Variants in PARD3B observed in about 807,000 individuals in gnomAD.
PARD3B encodes the protein partitioning defective 3 homolog B.
A neutral mutation model predicts 130.2 loss-of-function variants in PARD3B; 103 were observed. The observed-to-expected ratio is 0.79, with a 90% CI of 0.67 to 0.93. The LOEUF (loss-of-function observed/expected upper bound fraction) is 0.93. PARD3B is among the 40% of genes least tolerant of loss of function. The probability of loss-of-function intolerance (pLI) is 0.00; values close to 1 mark genes in which losing one functional copy is unlikely to be tolerated. For missense variants in PARD3B, 1,609 were observed against 1,499.2 expected (o/e 1.07, Z -1.21); for synonymous variants, 583 against 553.2 (o/e 1.05, Z -0.76).
chr2:204,888,034 G>A (rs1310438906), intron 2 of PARD3B, among the ~76,000 whole-genome samples: 1 of 152,132 alleles, frequency 6.6e-6, no homozygotes, highest in Non-Finnish European at 1.5e-5. Context: ...CAGGGGTGCA[G>A]GAGAGAGGTG....
intron 21 of PARD3B, among the ~76,000 whole-genome samples, chr2:205,528,287 G>A (rs1408730641): frequency 1.3e-5 from 2 of 152,128 alleles, no homozygotes; most frequent in African/African-American, 4.8e-5. Context: ...ACTTATTTAA[G>A]AAGTCATGCA....
chr2:204,849,440 CGTGA>C (rs1350629601), intron 2 of PARD3B, among the ~76,000 whole-genome samples: 3 of 152,174 alleles, frequency 2.0e-5, no homozygotes, highest in Non-Finnish European at 4.4e-5. Context: ...CAACCTTTTA[CGTGA>C]GTAAGTTTGA....
intron 20 of PARD3B, among the ~76,000 whole-genome samples, chr2:205,497,626 T>A (rs550470510): frequency 1.3e-5 from 2 of 152,154 alleles, no homozygotes; most frequent in East Asian, 3.9e-4. Context: ...TTTCCAAGCC[T>A]CACTTGTCCC....
intron 1 of PARD3B, among the ~76,000 whole-genome samples, chr2:204,568,580 C>T (rs571515298): frequency 6.6e-6 from 1 of 152,282 alleles, no homozygotes; most frequent in South Asian, 2.1e-4. Flanking sequence ...GCAGCAATTA[C>T]AACACTTATT....
At chr2:205,224,776 G>T (rs570573096) in intron 15 of PARD3B, among the ~76,000 whole-genome samples, 1 of 152,030 alleles carries the variant, frequency 6.6e-6, no homozygotes, top group East Asian at 1.9e-4. Flanking sequence ...TGGCTGAATA[G>T]TACCTGATTT....
At chr2:205,069,450 G>C (rs555678791) in intron 4 of PARD3B, among the ~76,000 whole-genome samples, 53 of 152,042 alleles carry the variant, frequency 3.5e-4, no homozygotes, top group African/African-American at 1.3e-3. Flanking sequence ...TTACTGATCT[G>C]TTTGGTTTTA....
At chr2:204,659,976 A>G (rs914074559) in intron 1 of PARD3B, among the ~76,000 whole-genome samples, 2 of 152,172 alleles carry the variant, frequency 1.3e-5, no homozygotes, top group Non-Finnish European at 2.9e-5. Context: ...ACTTTGAGCC[A>G]AACTTATTTT....
At chr2:204,731,367 A>C (rs2039500079) in intron 2 of PARD3B, among the ~76,000 whole-genome samples, 1 of 152,210 alleles carries the variant, frequency 6.6e-6, no homozygotes, top group Admixed American at 6.5e-5. Flanking sequence ...GTGTTCCTTT[A>C]TTATCTACCA....
intron 3 of PARD3B, among the ~76,000 whole-genome samples, chr2:204,986,269 A>G (rs752897935): frequency 8.5e-5 from 13 of 152,056 alleles, no homozygotes; most frequent in Non-Finnish European, 1.8e-4. Context: ...CCAGTATGTA[A>G]CCCAACAGTT....
At chr2:204,734,683 T>A (rs1477139334) in intron 2 of PARD3B, among the ~76,000 whole-genome samples, 2 of 152,154 alleles carry the variant, frequency 1.3e-5, no homozygotes, top group African/African-American at 2.4e-5. Flanking sequence ...TTCCATTAAA[T>A]GAAATTCTTA....
chr2:205,055,122 A>C (rs1699552536), intron 4 of PARD3B, among the ~76,000 whole-genome samples: 1 of 152,224 alleles, frequency 6.6e-6, no homozygotes, highest in Admixed American at 6.5e-5. Flanking sequence ...TATCACAAAT[A>C]TATGACTAGA....
chr2:204,987,530 G>A (rs1243618080), intron 3 of PARD3B, among the ~76,000 whole-genome samples: 1 of 152,166 alleles, frequency 6.6e-6, no homozygotes, highest in African/African-American at 2.4e-5. Flanking sequence ...AAGGTATGTT[G>A]ATGAACTCAG....
At chr2:204,553,650 CCATATATATATA>C (rs2030664201) in intron 1 of PARD3B, among the ~76,000 whole-genome samples, 4 of 26,624 alleles carry the variant, frequency 1.5e-4, no homozygotes, top group African/African-American at 5.0e-4. Flanking sequence ...TTATATATAT[CCATATATATATA>C]TATATATATA....
rs537767027 is a variant in PARD3B at position 205,485,493 on chromosome 2, A to G, written c.3045-14403A>G. ...GTATGCACACACAAGAAATCATCAAATCTAAGTACAAGAAAAGCTCAGAGA... is the reference window on the plus strand; with the variant it reads ...GTATGCACACACAAGAAATCATCAAGTCTAAGTACAAGAAAAGCTCAGAGA... On this transcript the variant is annotated intron_variant, in intron 20 of 22. Transcript: ENST00000406610. 3.3e-5 allele frequency among the ~76,000 whole-genome samples: 5 copies of G among 152,318 alleles called. No individual in the cohort carries two copies. The East Asian group carries it at 9.6e-4, about 29-fold the overall frequency.
intron 4 of PARD3B, among the ~76,000 whole-genome samples, chr2:205,064,683 G>T (rs1398178045): frequency 6.6e-6 from 1 of 152,210 alleles, no homozygotes; most frequent in East Asian, 1.9e-4. Context: ...AGTATTGGCA[G>T]TGAGTGCCGT....
In PARD3B at chr2:205,321,418, A is replaced by AT; in HGVS notation, c.2630+19723dup. On this transcript the variant is annotated intron_variant, in intron 18 of 22. Transcript: ENST00000406610. The surrounding 1 kb of genome is among the most constrained non-coding windows in gnomAD (Gnocchi z 4.2). ...CCGCCCAGATTCCTCAGATAGTAACATTTTTTCTGAATTAGCTGTAGCATT... is the reference window on the plus strand; with the variant it reads ...CCGCCCAGATTCCTCAGATAGTAACATTTTTTTCTGAATTAGCTGTAGCATT... 6.6e-6 allele frequency among the ~76,000 whole-genome samples: 1 copy of AT among 151,476 alleles called. No homozygotes were observed. Among genetic ancestry groups the AT allele is most frequent in the Non-Finnish European group, 1.5e-5 (1 of 67,886 alleles).
intron 22 of PARD3B, among the ~76,000 whole-genome samples, chr2:205,566,805 C>T (rs966731877): frequency 6.6e-6 from 1 of 152,146 alleles, no homozygotes; most frequent in Non-Finnish European, 1.5e-5. Context: ...AAAGGCAGGT[C>T]GACAGTGCAG....
chr2:205,430,327 T>C (rs1441522245), intron 19 of PARD3B, among the ~76,000 whole-genome samples: 2 of 152,220 alleles, frequency 1.3e-5, no homozygotes, highest in East Asian at 1.9e-4. Flanking sequence ...CTGTCTGTTT[T>C]AGGGAGCCAC....
rs371539869 is a variant in PARD3B at position 205,121,578 on chromosome 2, A to G, written c.807-13A>G. The G allele has an allele frequency of 1.7e-5, 27 of 1,607,334 alleles. No homozygotes were observed. Among genetic ancestry groups the G allele is most frequent in the Middle Eastern group, 1.7e-4 (1 of 6,052 alleles). ...AAGCAGGGTCATCATACATTTATCA[A>G]CTTTCTTTCCAGGGCTCAAGATGTC... On this transcript the variant is annotated splice_polypyrimidine_tract_variant and intron_variant, in intron 7 of 22. Coordinates refer to ENST00000406610, the MANE Select transcript of PARD3B (RefSeq NM_001302769.2). This position sits in a 1 kb window ranked among gnomAD's most constrained non-coding sequence, Gnocchi z 5.0.
Sources: gnomAD v4.1 joint callset for allele counts (sites outside exome capture counted in the v4.1 genomes callset) on GRCh38, gnomAD v4.1.1 for gene constraint, Gnocchi (gnomAD v3.1) non-coding constraint, MANE v1.5 for transcripts, NCBI Gene and HGNC (gene_info 2026-07-23, HGNC 2026-07-21) for gene names.